Variants in PKIB observed in about 807,000 individuals in gnomAD.
PKIB encodes the protein cAMP-dependent protein kinase inhibitor beta, also known as PKI-beta.
In PKIB, 2 loss-of-function variants were observed where a neutral mutation model predicts 4.5. That is an observed-to-expected ratio of 0.44 (90% CI 0.18 to 1.39). PKIB has a LOEUF of 1.39. PKIB is among the 40% of genes most tolerant of loss of function. The pLI is 0.27. For missense variants in PKIB, 94 were observed against 92.6 expected (o/e 1.02, Z -0.06); for synonymous variants, 38 against 36.0 (o/e 1.06, Z -0.20).
intron 2 of PKIB, among the ~76,000 whole-genome samples, chr6:122,563,368 C>A (rs2114677292): frequency 6.6e-6 from 1 of 152,132 alleles, no homozygotes; most frequent in African/African-American, 2.4e-5. Flanking sequence ...GTGGAGGTGG[C>A]AGGGGGTGCA....
chr6:122,506,238 T>C (rs1486055218), intron 2 of PKIB, among the ~76,000 whole-genome samples: 1 of 152,172 alleles, frequency 6.6e-6, no homozygotes, highest in Admixed American at 6.5e-5. Context: ...TTTTGACAAG[T>C]AATAGTTTGA....
chr6:122,703,897 T>TA (rs1480871184), intron 3 of PKIB, among the ~76,000 whole-genome samples: 2 of 148,652 alleles, frequency 1.3e-5, no homozygotes, highest in South Asian at 4.2e-4. Flanking sequence ...GCTCTCTATA[T>TA]AAAAAACGCT....
intron 2 of PKIB, among the ~76,000 whole-genome samples, chr6:122,544,195 C>T (rs1209774035): frequency 6.6e-6 from 1 of 151,606 alleles, no homozygotes; most frequent in African/African-American, 2.4e-5. Context: ...TAAATTTTAA[C>T]AGAGCAGTAA....
chr6:122,556,594 A>G (rs1582696491), intron 2 of PKIB, among the ~76,000 whole-genome samples: 1 of 152,166 alleles, frequency 6.6e-6, no homozygotes, highest in Non-Finnish European at 1.5e-5. Flanking sequence ...GGCCATATGA[A>G]TGAGCAGATC....
chr6:122,562,795 G>A (rs1773072471), intron 2 of PKIB, among the ~76,000 whole-genome samples: 1 of 151,630 alleles, frequency 6.6e-6, no homozygotes, highest in African/African-American at 2.4e-5. Flanking sequence ...TGTGTCCAAA[G>A]TTTTCTGAAT....
At chr6:122,628,037 C>T (rs1308203333) in intron 1 of PKIB, among the ~76,000 whole-genome samples, 1 of 148,310 alleles carries the variant, frequency 6.7e-6, no homozygotes, top group African/African-American at 2.5e-5. Flanking sequence ...CGAGTGTATC[C>T]AGTTCTTTTT....
chr6:122,694,781 C>A (rs1039365257), intron 3 of PKIB, among the ~76,000 whole-genome samples: 1 of 152,172 alleles, frequency 6.6e-6, no homozygotes, highest in Non-Finnish European at 1.5e-5. Flanking sequence ...GATCATTGAA[C>A]GGCTACTGAG....
rs923322964 is a variant in PKIB at position 122,633,910 on chromosome 6, G to C, written c.-76+543G>C. Among the ~76,000 whole-genome samples the C allele has an allele frequency of 7.4e-5, 11 of 147,772 alleles. No homozygotes were observed. In the Admixed American group the frequency reaches 7.5e-4, roughly 10 times the overall value. On this transcript the variant is annotated intron_variant, in intron 2 of 4. Transcript: ENST00000368452. ...TTGAGAGACAGGTTTTTGTGTGCTG[G>C]TATCTCACAGATATCTGTCCTATCT... is the stretch of plus-strand genomic sequence containing the variant.
chr6:122,680,899 T>C (rs1777874179), intron 3 of PKIB, among the ~76,000 whole-genome samples: 1 of 152,218 alleles, frequency 6.6e-6, no homozygotes, highest in Non-Finnish European at 1.5e-5. Flanking sequence ...CCTGTTACTA[T>C]TAGGATAGAA....
chr6:122,602,454 T>C (rs1774399575), intron 3 of PKIB, among the ~76,000 whole-genome samples: 1 of 152,218 alleles, frequency 6.6e-6, no homozygotes, highest in African/African-American at 2.4e-5. Flanking sequence ...ATGCCAGAGA[T>C]TGTATTTCAA....
chr6:122,564,777 G>T lies in PKIB; in HGVS notation c.-247-21144G>T, dbSNP rs149883718. On this transcript the variant is annotated intron_variant, in intron 2 of 6. Coordinates refer to the PKIB transcript ENST00000392491. The stretch of plus-strand genomic sequence containing the variant: ...CATTGGGAAGGACCCTTTTTTGGTG[G>T]CTGCTGTAGGTTAGGGACCTACTTC... Among the ~76,000 whole-genome samples, 12 of 151,996 alleles carry T rather than the reference G, an allele frequency of 7.9e-5. No homozygotes were observed. The South Asian group carries it at 8.3e-4, about 11-fold the overall frequency.
At chr6:122,610,940 C>G (rs1774727614) in intron 1 of PKIB, among the ~76,000 whole-genome samples, 1 of 152,184 alleles carries the variant, frequency 6.6e-6, no homozygotes, top group African/African-American at 2.4e-5. Flanking sequence ...CGGGTAGTCA[C>G]GAGCGGCCGC....
At chr6:122,670,544 T>C (rs1777424572) in intron 2 of PKIB, among the ~76,000 whole-genome samples, 1 of 140,712 alleles carries the variant, frequency 7.1e-6, no homozygotes, top group African/African-American at 2.5e-5. Context: ...CATCAGACCT[T>C]TGCTCAGTGG....
At chr6:122,565,544 A>T (rs1773162999) in intron 2 of PKIB, among the ~76,000 whole-genome samples, 1 of 152,166 alleles carries the variant, frequency 6.6e-6, no homozygotes, top group South Asian at 2.1e-4. Flanking sequence ...TTTTTCTACC[A>T]AGTTCCTTAA....
intron 2 of PKIB, among the ~76,000 whole-genome samples, chr6:122,507,447 G>A (rs189759898): frequency 1.5e-4 from 23 of 152,264 alleles, no homozygotes; most frequent in African/African-American, 3.6e-4. Context: ...GAGACTTACC[G>A]TCATAGTAAT....
At chr6:122,473,035 C>CGGGAGGCAGAGGTTGCA (rs1447929353) in intron 1 of PKIB, among the ~76,000 whole-genome samples, 2 of 152,234 alleles carry the variant, frequency 1.3e-5, no homozygotes, top group East Asian at 3.9e-4. Context: ...TGCTTGAACC[C>CGGGAGGCAGAGGTTGCA]GGGAGGCAGA....
At chr6:122,569,608 G>A (rs1037142544) in intron 2 of PKIB, among the ~76,000 whole-genome samples, 3 of 152,192 alleles carry the variant, frequency 2.0e-5, no homozygotes, top group African/African-American at 7.2e-5. Context: ...CAGAAATGGT[G>A]CTGGTATCCA....
At chr6:122,628,823 A>C (rs1481138801) in intron 1 of PKIB, among the ~76,000 whole-genome samples, 2 of 152,012 alleles carry the variant, frequency 1.3e-5, no homozygotes, top group Admixed American at 1.3e-4. Flanking sequence ...TCTGTAACCA[A>C]TTTCTTTCCA....
At chr6:122,676,161 A>G (rs1265141291) in intron 3 of PKIB, among the ~76,000 whole-genome samples, 1 of 151,656 alleles carries the variant, frequency 6.6e-6, no homozygotes, top group Non-Finnish European at 1.5e-5. Flanking sequence ...ATCTGGGGTG[A>G]TGGGAAACAG....
Sources: allele counts gnomAD v4.1 joint callset (sites outside exome capture counted in the v4.1 genomes callset), GRCh38; gene constraint gnomAD v4.1.1; transcripts MANE v1.5; gene names NCBI Gene and HGNC (gene_info 2026-07-23, HGNC 2026-07-21).